Variants in EDIL3 observed in about 807,000 individuals in gnomAD.
EDIL3 encodes EGF like and discoidin domains 3.
EDIL3 carries 37 observed loss-of-function variants against 67.4 expected under a neutral mutation model. That is an observed-to-expected ratio of 0.55 (90% CI 0.42 to 0.72). EDIL3 has a LOEUF of 0.72. Ranked by LOEUF, EDIL3 falls within the 30% of genes least tolerant of loss-of-function variation. EDIL3 has a pLI of 0.00. For synonymous variants in EDIL3, 195 were observed against 196.3 expected, an observed-to-expected ratio of 0.99 and a Z score of 0.05; for missense variants, 527 against 586.3, an observed-to-expected ratio of 0.90 and a Z score of 1.04.
intron 4 of EDIL3, among the ~76,000 whole-genome samples, chr5:84,141,945 A>C (rs1355272788): frequency 1.3e-4 from 17 of 133,516 alleles, no homozygotes; most frequent in African/African-American, 3.8e-4. Flanking sequence ...ATATATATAT[A>C]TACATAGATC....
chr5:84,002,326 A>G (rs934114298), intron 9 of EDIL3, among the ~76,000 whole-genome samples: 4 of 152,214 alleles, frequency 2.6e-5, no homozygotes, highest in Non-Finnish European at 2.9e-5. Flanking sequence ...CACAACTAGT[A>G]TCACACTAAA....
chr5:84,360,510 G>A (rs764742426), intron 1 of EDIL3, among the ~76,000 whole-genome samples: 4 of 152,228 alleles, frequency 2.6e-5, no homozygotes, highest in African/African-American at 4.8e-5. Context: ...TAAAAAGTGA[G>A]CAAACAAATT....
intron 1 of EDIL3, among the ~76,000 whole-genome samples, chr5:84,255,209 C>A (rs1349181305): frequency 6.6e-6 from 1 of 150,546 alleles, no homozygotes; most frequent in Non-Finnish European, 1.5e-5. Context: ...ACTCCCAACT[C>A]TCAAAGTGGT....
chr5:83,993,498 T>C (rs1745185977), intron 9 of EDIL3, among the ~76,000 whole-genome samples: 1 of 152,222 alleles, frequency 6.6e-6, no homozygotes, highest in African/African-American at 2.4e-5. Context: ...CATATTTTCT[T>C]CCATTCTCCA....
chr5:84,319,375 A>G (rs1746579347), intron 1 of EDIL3, among the ~76,000 whole-genome samples: 1 of 109,256 alleles, frequency 9.2e-6, no homozygotes, highest in South Asian at 3.7e-4. Flanking sequence ...GAGGCAGGAG[A>G]ATGGCGTGAA....
At chr5:84,039,748 T>G (rs930588095) in intron 9 of EDIL3, among the ~76,000 whole-genome samples, 3 of 151,986 alleles carry the variant, frequency 2.0e-5, no homozygotes, top group Non-Finnish European at 4.4e-5. Flanking sequence ...TATAAGTACA[T>G]CCCATGTAAT....
intron 6 of EDIL3, 132 bp from the exon 7 acceptor site, chr5:84,066,738 T>C: frequency 8.3e-7 from 1 of 1,211,266 alleles, no homozygotes; most frequent in Non-Finnish European, 1.1e-6. Context: ...TTTTCATGGA[T>C]AAATGTTTAC....
At chr5:84,153,732 C>T (rs991160396) in intron 4 of EDIL3, among the ~76,000 whole-genome samples, 1 of 152,012 alleles carries the variant, frequency 6.6e-6, no homozygotes, top group Non-Finnish European at 1.5e-5. Context: ...CAAAGTGCTG[C>T]GATTACAGGA....
chr5:84,212,361 T>G (rs1178605093), intron 3 of EDIL3, among the ~76,000 whole-genome samples: 1 of 152,180 alleles, frequency 6.6e-6, no homozygotes, highest in Non-Finnish European at 1.5e-5. Flanking sequence ...CCATTCCAAT[T>G]GCATCCAGTA....
chr5:84,137,584 T>A (rs1321230603), intron 4 of EDIL3, among the ~76,000 whole-genome samples: 1 of 152,166 alleles, frequency 6.6e-6, no homozygotes, highest in African/African-American at 2.4e-5. Context: ...GAAAGGCCAA[T>A]GGAACTAAAC....
chr5:84,056,010 C>A (rs528172916), intron 9 of EDIL3, among the ~76,000 whole-genome samples: 1 of 152,096 alleles, frequency 6.6e-6, no homozygotes, highest in African/African-American at 2.4e-5. Flanking sequence ...CACATGCACA[C>A]GTATGTTTAT....
At chr5:84,249,949 A>G (rs1744990299) in intron 2 of EDIL3, among the ~76,000 whole-genome samples, 1 of 152,156 alleles carries the variant, frequency 6.6e-6, no homozygotes, top group African/African-American at 2.4e-5. Context: ...TTATATATAT[A>G]TAGAGAGAGA....
rs1306291453 is a variant in EDIL3 at position 84,232,415 on chromosome 5, G to A, written c.197-2531C>T. Reference sequence around the variant, plus strand: ...AAGTGATGTCTAAGAAGGAAGACTGGAAGTTGCTAAGATTTTACTTTTCCA... The same window carrying A: ...AAGTGATGTCTAAGAAGGAAGACTGAAAGTTGCTAAGATTTTACTTTTCCA... On this transcript the variant is annotated intron_variant, in intron 2 of 10. Coordinates refer to ENST00000296591, the MANE Select transcript of EDIL3 (RefSeq NM_005711.5). Among the ~76,000 whole-genome samples, 6 of 152,276 alleles carry A rather than the reference G, an allele frequency of 3.9e-5. No homozygotes were observed. The East Asian group carries it at 9.7e-4, about 25-fold the overall frequency.
intron 9 of EDIL3, among the ~76,000 whole-genome samples, chr5:84,026,487 G>A (rs1212819219): frequency 6.6e-6 from 1 of 151,410 alleles, no homozygotes; most frequent in Admixed American, 6.6e-5. Context: ...TTTTCATGGA[G>A]TTTTACTATT....
At chr5:84,149,957 C>T (rs1474692954) in intron 4 of EDIL3, among the ~76,000 whole-genome samples, 1 of 151,964 alleles carries the variant, frequency 6.6e-6, no homozygotes, top group Non-Finnish European at 1.5e-5. Flanking sequence ...ATCAGTGGAA[C>T]ACATATAGTT....
intron 1 of EDIL3, among the ~76,000 whole-genome samples, chr5:84,335,038 C>A (rs1160046687): frequency 1.3e-5 from 2 of 152,106 alleles, no homozygotes; most frequent in African/African-American, 2.4e-5. Flanking sequence ...TAACATATTT[C>A]ACTAAACGCT....
intron 1 of EDIL3, among the ~76,000 whole-genome samples, chr5:84,336,676 G>GTGAA (rs1373863953): frequency 1.3e-5 from 2 of 152,100 alleles, no homozygotes; most frequent in Non-Finnish European, 1.5e-5. Context: ...TGTCCACAAG[G>GTGAA]TGAATGGTGG....
intron 4 of EDIL3, among the ~76,000 whole-genome samples, chr5:84,164,958 A>G (rs1748678698): frequency 6.6e-6 from 1 of 152,114 alleles, no homozygotes; most frequent in Non-Finnish European, 1.5e-5. Flanking sequence ...AGGGCTTTCC[A>G]GGCACAGAAA....
At chr5:84,262,667 T>TTTTTTTG (rs1745254383) in intron 1 of EDIL3, among the ~76,000 whole-genome samples, 1 of 100,888 alleles carries the variant, frequency 9.9e-6, no homozygotes, top group Non-Finnish European at 1.9e-5. Flanking sequence ...TGGTTTTTTT[T>TTTTTTTG]TTTTTTTTTT....
Sources: gnomAD v4.1 joint callset for allele counts (sites outside exome capture counted in the v4.1 genomes callset) on GRCh38, gnomAD v4.1.1 for gene constraint, MANE v1.5 for transcripts, NCBI Gene and HGNC (gene_info 2026-07-23, HGNC 2026-07-21) for gene names.